The following PIK3CB variants were observed in gnomAD, a reference collection of about 807,000 sequenced individuals.
The protein encoded by PIK3CB is phosphatidylinositol-4,5-bisphosphate 3-kinase catalytic subunit beta.
PIK3CB carries 39 observed loss-of-function variants against 136.8 expected under a neutral mutation model. That is an observed-to-expected ratio of 0.29 (90% confidence interval 0.22 to 0.37). The LOEUF is 0.37. Among genes scored for constraint, PIK3CB ranks in the 10% least tolerant of loss-of-function variants. The pLI, the probability that PIK3CB is intolerant of heterozygous loss-of-function variation, is 1.00. For missense variants in PIK3CB, 868 were observed against 1,275.4 expected (o/e 0.68, Z 4.87); for synonymous variants, 428 against 436.6 (o/e 0.98, Z 0.25).
rs548385033 is a variant in PIK3CB, at chr3:138,750,538, C to T, written c.397+5216G>A. On this transcript the variant is annotated intron_variant, in intron 4 of 23. Transcript: ENST00000674063. Reference sequence around the variant, plus strand: ...CACTGATCTGACAGGAGGCGAAGTTCAGGTGGTAATGCTCACCCAACCTGC... The same window carrying T: ...CACTGATCTGACAGGAGGCGAAGTTTAGGTGGTAATGCTCACCCAACCTGC... 5.2e-4 allele frequency among the ~76,000 whole-genome samples: 79 copies of T among 152,318 alleles called. 1 individual carries two copies. The South Asian group carries it at 0.016, about 31-fold the overall frequency.
intron 18 of PIK3CB, among the ~76,000 whole-genome samples, chr3:138,682,477 T>A (rs761819796): frequency 2.0e-5 from 3 of 152,184 alleles, no homozygotes; most frequent in Non-Finnish European, 4.4e-5. Context: ...GGGTACTAAT[T>A]GTATGCTGTA....
intron 11 of PIK3CB, among the ~76,000 whole-genome samples, chr3:138,705,109 C>A (rs2044335810): frequency 7.4e-6 from 1 of 135,026 alleles, no homozygotes. Context: ...AATCTCTATC[C>A]CAAACTGATC....
intron 10 of PIK3CB, among the ~76,000 whole-genome samples, chr3:138,708,724 C>A (rs984553391): frequency 6.6e-6 from 1 of 151,376 alleles, no homozygotes; most frequent in Admixed American, 6.6e-5. Context: ...ACTACAGGCA[C>A]ACACACACCA....
In PIK3CB at chr3:138,705,268, A is replaced by G. The variant is rs143959804; in HGVS notation, c.1531-775T>C. 3.7e-3 allele frequency among the ~76,000 whole-genome samples: 568 copies of G among 151,510 alleles called. 5 individuals are homozygous for G. Among genetic ancestry groups the G allele is most frequent in the African/African-American group, 0.013 (545 of 41,442 alleles). On this transcript the variant is annotated intron_variant, in intron 11 of 23. Transcript: ENST00000674063. ...TTCAAAAAGCATTTCATTTGAGCCA[A>G]AAGAGCCTATAACTGTTGAACACAC...
intron 9 of PIK3CB, 129 bp from the exon 10 acceptor site, chr3:138,712,433 A>G (rs2108576922): frequency 2.2e-6 from 1 of 454,452 alleles, no homozygotes; most frequent in Non-Finnish European, 3.9e-6. Context: ...ATCTTCTAAA[A>G]TGAGAACAAG....
At chr3:138,764,009 G>A (rs1411256462) in intron 2 of PIK3CB, among the ~76,000 whole-genome samples, 1 of 151,868 alleles carries the variant, frequency 6.6e-6, no homozygotes, top group Non-Finnish European at 1.5e-5. Context: ...TACTTGGGAG[G>A]CTGGGGCAGG....
chr3:138,724,952 A>G (rs1057497247), intron 8 of PIK3CB, among the ~76,000 whole-genome samples: 4 of 152,102 alleles, frequency 2.6e-5, no homozygotes, highest in Non-Finnish European at 5.9e-5. Context: ...CATTGCACAA[A>G]TATTTATTCA....
intron 2 of PIK3CB, among the ~76,000 whole-genome samples, chr3:138,788,991 AACAAAAAAC>A (rs2046017625): frequency 1.4e-5 from 2 of 143,424 alleles, no homozygotes; most frequent in African/African-American, 5.3e-5. Flanking sequence ...AAAAAAAAAA[AACAAAAAAC>A]AACACCACAG....
intron 1 of PIK3CB, among the ~76,000 whole-genome samples, chr3:138,814,865 C>T (rs899167322): frequency 4.0e-5 from 6 of 151,734 alleles, no homozygotes; most frequent in South Asian, 2.1e-4. Context: ...TGGCCAGGCG[C>T]GGTGGCTCAC....
intron 2 of PIK3CB, among the ~76,000 whole-genome samples, chr3:138,774,342 G>C (rs2045833882): frequency 6.6e-6 from 1 of 152,134 alleles, no homozygotes; most frequent in Non-Finnish European, 1.5e-5. Flanking sequence ...AATCACTTTA[G>C]GTAACAGTAT....
In PIK3CB at chr3:138,690,986, T is replaced by A; in HGVS notation, c.2036+14A>T. ...AGCACCTGGTGGGCTCAAAGTAAAATATAAAAGACTTACCTAAGATGCCAA... is the reference window on the plus strand; with the variant it reads ...AGCACCTGGTGGGCTCAAAGTAAAAAATAAAAGACTTACCTAAGATGCCAA... On this transcript the variant is annotated intron_variant, in intron 15 of 23. Transcript: ENST00000674063. 1 of 1,597,694 alleles carries A rather than the reference T, an allele frequency of 6.3e-7. No individual in the cohort carries two copies. Among genetic ancestry groups the A allele is most frequent in the Non-Finnish European group, 8.5e-7 (1 of 1,173,704 alleles).
chr3:138,759,135 G>A (rs1412693224), intron 3 of PIK3CB, 38 bp downstream of exon 3: 2 of 1,268,854 alleles, frequency 1.6e-6, no homozygotes, highest in Non-Finnish European at 1.1e-6. Context: ...AAGTGACACA[G>A]TATGCTAAAC....
At chr3:138,721,001 C>T (rs759984447) in intron 8 of PIK3CB, among the ~76,000 whole-genome samples, 66 of 152,242 alleles carry the variant, frequency 4.3e-4, no homozygotes, top group South Asian at 1.0e-3. Flanking sequence ...AATAAGCCTG[C>T]AAACTACAAA....
chr3:138,747,165 A>G (rs1189751957), intron 4 of PIK3CB, among the ~76,000 whole-genome samples: 1 of 134,786 alleles, frequency 7.4e-6, no homozygotes, highest in Non-Finnish European at 1.6e-5. Flanking sequence ...TCCTGGGCTT[A>G]AGCAATCCTC....
chr3:138,778,735 C>A, intron 2 of PIK3CB: 2 of 260,684 alleles, frequency 7.7e-6, no homozygotes, highest in South Asian at 9.4e-5. Flanking sequence ...ACTACTTTGT[C>A]AAGCTCATTT....
chr3:138,704,565 T>C (rs1004463946), intron 11 of PIK3CB, 72 bp from the exon 12 acceptor site: 1 of 955,034 alleles, frequency 1.0e-6, no homozygotes, highest in Non-Finnish European at 1.7e-6. Context: ...AATGACTACA[T>C]TTGTACTTAG....
intron 14 of PIK3CB, among the ~76,000 whole-genome samples, chr3:138,692,448 C>T (rs1200253442): frequency 2.0e-5 from 3 of 152,196 alleles, no homozygotes; most frequent in South Asian, 2.1e-4. Flanking sequence ...CCCTCCACAA[C>T]AGGTCTCCAA....
intron 16 of PIK3CB, among the ~76,000 whole-genome samples, chr3:138,687,272 A>G (rs374840210): frequency 6.6e-6 from 1 of 152,166 alleles, no homozygotes; most frequent in South Asian, 2.1e-4. Context: ...GTTCATACAT[A>G]TATCATCCTT....
chr3:138,739,302 G>C (rs2045185986), intron 5 of PIK3CB, among the ~76,000 whole-genome samples: 1 of 151,686 alleles, frequency 6.6e-6, no homozygotes, highest in Admixed American at 6.6e-5. Context: ...AAATTAGCTG[G>C]GCATGGTGGT....
Sources: allele counts gnomAD v4.1 joint callset (sites outside exome capture counted in the v4.1 genomes callset), GRCh38; gene constraint gnomAD v4.1.1; transcripts MANE v1.5; gene names NCBI Gene and HGNC (gene_info 2026-07-23, HGNC 2026-07-21).